Variants in FAM76A observed in about 807,000 individuals in gnomAD.
FAM76A encodes the protein family with sequence similarity 76 member A.
Under a neutral mutation model 46.2 loss-of-function variants are expected in FAM76A, and 32 were observed. That is an observed-to-expected ratio of 0.69 (90% CI 0.52 to 0.93). The LOEUF (loss-of-function observed/expected upper bound fraction) is 0.93, where lower values mean the gene tolerates loss of function less well. Ranked by LOEUF, FAM76A falls within the 40% of genes least tolerant of loss-of-function variation. The probability of loss-of-function intolerance (pLI) is 0.00; values close to 1 mark genes in which losing one functional copy is unlikely to be tolerated. For missense variants in FAM76A, 274 were observed against 361.5 expected (o/e 0.76, Z 1.96); for synonymous variants, 137 against 127.0 (o/e 1.08, Z -0.53).
chr1:27,752,733 G>A (rs992442601), intron 6 of FAM76A, among the ~76,000 whole-genome samples: 1 of 152,188 alleles, frequency 6.6e-6, no homozygotes, highest in Non-Finnish European at 1.5e-5. Context: ...ACGAGCTTTT[G>A]TAAAAGACAA....
chr1:27,740,482 TGA>T, intron 4 of FAM76A: 2 of 1,469,770 alleles, frequency 1.4e-6, no homozygotes, highest in Non-Finnish European at 9.5e-7. Flanking sequence ...GAGTAGGTCC[TGA>T]CACTGTCCAC....
intron 3 of FAM76A, among the ~76,000 whole-genome samples, chr1:27,733,058 G>A (rs1249536823): frequency 1.3e-5 from 2 of 150,934 alleles, no homozygotes; most frequent in Admixed American, 6.6e-5. Flanking sequence ...TCAGCCTCCC[G>A]AGTAGCTGGG....
At position 27,744,642 on chromosome 1, in the gene FAM76A, C is replaced by T. The variant is rs1396186200; in HGVS notation, c.355-12C>T. On this transcript the variant is annotated splice_polypyrimidine_tract_variant and intron_variant, in intron 4 of 8. Coordinates refer to ENST00000373954, the MANE Select transcript of FAM76A (RefSeq NM_152660.3). ...ATTCCCTCTTCTTTATCTTTGTCTC[C>T]TTGTCTTTCAGGTAGATGGGAAATT... is the stretch of plus-strand genomic sequence containing the variant. 1.2e-6 allele frequency: 2 copies of T among 1,613,272 alleles called. No homozygotes were observed. Among genetic ancestry groups the T allele is most frequent in the African/African-American group, 1.3e-5 (1 of 74,888 alleles).
At chr1:27,737,868 C>CAAAAAAAAAAAAACAAA (rs2088077755) in intron 4 of FAM76A, among the ~76,000 whole-genome samples, 1 of 62,704 alleles carries the variant, frequency 1.6e-5, no homozygotes, top group Non-Finnish European at 3.3e-5. Flanking sequence ...ACAACAACAA[C>CAAAAAAAAAAAAACAAA]AAAAAAAAAA....
chr1:27,729,688 TC>T (rs2087922845), intron 2 of FAM76A, among the ~76,000 whole-genome samples: 1 of 152,220 alleles, frequency 6.6e-6, no homozygotes, highest in Admixed American at 6.5e-5. Context: ...GTTGCAGACA[TC>T]AGTATACATG....
intron 7 of FAM76A, among the ~76,000 whole-genome samples, chr1:27,757,772 C>T (rs1473458705): frequency 6.6e-6 from 1 of 152,094 alleles, no homozygotes; most frequent in Non-Finnish European, 1.5e-5. Context: ...GGCAGGAGAT[C>T]AAGACCATCC....
In FAM76A at chr1:27,732,642, G is replaced by A. The variant is rs761857538; in HGVS notation, c.186G>A (p.Val62=). 2 of 1,609,024 alleles carry A rather than the reference G, an allele frequency of 1.2e-6. No homozygotes were observed. The highest frequency in any genetic ancestry group is 1.7e-6 in the Non-Finnish European group (2 of 1,176,176). ...TATGCAAGAAATGTGCTCAGAACGT[G>A]CAGTTGTATGGAACGGTAAGTAGGA... ...NTICKKCAQN[V]QLYGTPKPCQ... is the part of the protein sequence containing the mutation. The change falls in exon 3 of 9, where the codon GTG becomes GTA. Residue 62 remains valine, a synonymous_variant. Transcript: ENST00000373954.
chr1:27,741,577 G>A (rs1318345772), intron 4 of FAM76A, among the ~76,000 whole-genome samples: 1 of 151,968 alleles, frequency 6.6e-6, no homozygotes, highest in Non-Finnish European at 1.5e-5. Flanking sequence ...CCATTTTACA[G>A]TAGAGAGAAA....
At position 27,744,698 on chromosome 1, in the gene FAM76A, A is replaced by C; in HGVS notation, c.399A>C (p.Lys133Asn). ...GCTGGCTGTGCACACTTTCATACAAACGGGTCCTTCAGAAGACCAAAGAGC... is the reference window on the plus strand; with the variant it reads ...GCTGGCTGTGCACACTTTCATACAACCGGGTCCTTCAGAAGACCAAAGAGC... Reference protein sequence around the residue: ...LLCWLCTLSYKRVLQKTKEQR... With the variant: ...LLCWLCTLSYNRVLQKTKEQR... The change falls in exon 5 of 9, where the codon AAA (lysine) becomes AAC (asparagine). Residue 133 changes from lysine (K) to asparagine (N), a missense_variant. Coordinates refer to ENST00000373954, the MANE Select transcript of FAM76A (RefSeq NM_152660.3). The C allele has an allele frequency of 6.2e-7, 1 of 1,614,128 alleles. No homozygotes were observed. Among genetic ancestry groups the C allele is most frequent in the Non-Finnish European group, 8.5e-7 (1 of 1,180,024 alleles).
intron 1 of FAM76A, 34 bp downstream of exon 1, chr1:27,726,195 G>A: frequency 7.9e-7 from 1 of 1,260,064 alleles, no homozygotes. Flanking sequence ...GGGAACTGGG[G>A]ACGCAGGAGG....
intron 8 of FAM76A, 172 bp from the exon 9 acceptor site, chr1:27,760,323 C>T: frequency 4.0e-6 from 2 of 503,504 alleles, no homozygotes; most frequent in South Asian, 2.1e-5. Flanking sequence ...ACTTTTTTCT[C>T]CTGAACCAAG....
intron 4 of FAM76A, among the ~76,000 whole-genome samples, chr1:27,740,843 T>G (rs2088138616): frequency 6.6e-6 from 1 of 152,108 alleles, no homozygotes; most frequent in African/African-American, 2.4e-5. Context: ...ACAATTCATG[T>G]GGGGCCCGGG....
intron 3 of FAM76A, among the ~76,000 whole-genome samples, chr1:27,733,152 G>A (rs1439273909): frequency 2.0e-5 from 3 of 152,008 alleles, no homozygotes; most frequent in South Asian, 4.1e-4. Context: ...GGCTGGTCTC[G>A]GACTCCTGAA....
chr1:27,762,269 T>C lies in FAM76A; in HGVS notation c.*1688T>C, dbSNP rs536379826. The C allele has an allele frequency of 6.6e-6, 1 of 152,348 alleles. No homozygotes were observed. The highest frequency in any genetic ancestry group is 2.4e-5 in the African/African-American group (1 of 41,582). 9.4% of individuals were successfully genotyped at this position (152,348 alleles called of 1,614,324 possible). The stretch of plus-strand genomic sequence containing the variant: ...GATAGATTTACATTTCTAGGCATAC[T>C]CTCAGGTCCTCTATGTGATGTTTGT... On this transcript the variant is annotated 3_prime_UTR_variant, in exon 9 of 9. Transcript: ENST00000373954.
chr1:27,739,940 T>G (rs1486856886), intron 4 of FAM76A: 3 of 234,304 alleles, frequency 1.3e-5, no homozygotes, highest in Non-Finnish European at 2.6e-5. Flanking sequence ...AACTTACCCT[T>G]GGGAGCCAGT....
At chr1:27,754,755 G>A (rs1021226705) in intron 6 of FAM76A, among the ~76,000 whole-genome samples, 2 of 152,170 alleles carry the variant, frequency 1.3e-5, no homozygotes, top group African/African-American at 4.8e-5. Context: ...ACAAGGACCT[G>A]AAAGATGAGC....
intron 1 of FAM76A, among the ~76,000 whole-genome samples, chr1:27,726,709 C>T (rs2087867118): frequency 6.6e-6 from 1 of 151,972 alleles, no homozygotes; most frequent in Non-Finnish European, 1.5e-5. Context: ...TTAAAAAAGC[C>T]CCACAGTCAG....
chr1:27,737,868 CAAAAAAAAAAAAAA>C (rs71571865), intron 4 of FAM76A, among the ~76,000 whole-genome samples: 1 of 62,704 alleles, frequency 1.6e-5, no homozygotes, highest in African/African-American at 4.7e-5. Flanking sequence ...ACAACAACAA[CAAAAAAAAAAAAAA>C]AAAAAAAAAA....
intron 2 of FAM76A, 132 bp downstream of exon 2, chr1:27,727,668 T>G: frequency 1.5e-6 from 1 of 669,894 alleles, no homozygotes; most frequent in Non-Finnish European, 2.6e-6. Context: ...AATCACATTA[T>G]ATACAGACTA....
Sources: gnomAD v4.1 joint callset for allele counts (sites outside exome capture counted in the v4.1 genomes callset) on GRCh38, gnomAD v4.1.1 for gene constraint, MANE v1.5 for transcripts, NCBI Gene and HGNC (gene_info 2026-07-23, HGNC 2026-07-21) for gene names.